Variants in ASXL1 observed in about 807,000 individuals in gnomAD.
ASXL1 encodes the protein ASXL transcriptional regulator 1, also known as polycomb group protein ASXL1.
ASXL1 carries 65 observed loss-of-function variants against 89.1 expected under a neutral mutation model. The observed-to-expected ratio is 0.73, with a 90% CI of 0.60 to 0.90. ASXL1 has a LOEUF of 0.90. ASXL1 is among the 40% of genes least tolerant of loss of function. The pLI is 0.00. For synonymous variants in ASXL1, 739 were observed against 746.9 expected, an observed-to-expected ratio of 0.99 and a Z score of 0.17; for missense variants, 1,786 against 1,942.9, an observed-to-expected ratio of 0.92 and a Z score of 1.52.
intron 4 of ASXL1, among the ~76,000 whole-genome samples, chr20:32,386,213 A>G (rs943385687): frequency 2.0e-5 from 3 of 152,214 alleles, no homozygotes; most frequent in Non-Finnish European, 4.4e-5. Flanking sequence ...GAATAAAGGC[A>G]GTGGAAAAAC....
Position 32,429,490 on chromosome 20 carries a change from C to T in ASXL1, c.565+59C>T, listed in dbSNP as rs1569317980. 6.5e-7 allele frequency: 1 copy of T among 1,536,558 alleles called. No homozygotes were observed. The highest frequency in any genetic ancestry group is 1.4e-5 in the African/African-American group (1 of 73,246). ...CTCAGGTCCTGGGGACCTGGCCTCC[C>T]TCTGTCAGCAGTTTCTGACCTAATA... On this transcript the variant is annotated intron_variant, in intron 7 of 12. Coordinates refer to ENST00000375687, the MANE Select transcript of ASXL1 (RefSeq NM_015338.6). The surrounding 1 kb of genome is among the most constrained non-coding windows in gnomAD (Gnocchi z 4.9).
At chr20:32,420,809 G>T (rs1041876023) in intron 4 of ASXL1, among the ~76,000 whole-genome samples, 1 of 152,002 alleles carries the variant, frequency 6.6e-6, no homozygotes, top group Non-Finnish European at 1.5e-5. Flanking sequence ...AAAAAAAAAT[G>T]GGTGAAAGAC....
At chr20:32,407,368 A>G (rs1030524738) in intron 4 of ASXL1, among the ~76,000 whole-genome samples, 2 of 152,118 alleles carry the variant, frequency 1.3e-5, no homozygotes, top group Admixed American at 1.3e-4. Flanking sequence ...GAATTGAAAT[A>G]TATGTATACA....
chr20:32,413,704 G>T (rs1313947944), intron 4 of ASXL1, among the ~76,000 whole-genome samples: 1 of 152,194 alleles, frequency 6.6e-6, no homozygotes, highest in Non-Finnish European at 1.5e-5. Context: ...ACTGGGGCCT[G>T]TTGGCTACTC....
At chr20:32,419,176 G>A (rs532828838) in intron 4 of ASXL1, among the ~76,000 whole-genome samples, 1 of 151,692 alleles carries the variant, frequency 6.6e-6, no homozygotes, top group Non-Finnish European at 1.5e-5. Context: ...CAAGAACATG[G>A]TATAGCTCTC....
chr20:32,435,676 C>G lies in ASXL1; in HGVS notation c.2964C>G (p.Asp988Glu), dbSNP rs749938743. 7 of 1,614,178 alleles carry G rather than the reference C, an allele frequency of 4.3e-6. No individual in the cohort carries two copies. The South Asian group carries it at 6.6e-5, about 15-fold the overall frequency. ...TTGAAAAGCTGAAAATCAACGGAGA[C>G]TCTGAAGCACTGAGTCCTCACGGTG... is the stretch of plus-strand genomic sequence containing the variant. ...VDIEKLKING[D>E]SEALSPHGES... Residue 988 changes from aspartate to glutamate, a missense_variant, in exon 13 of 13, where the codon GAC (aspartate) becomes GAG (glutamate). Asp to Glu is a conservative substitution (Grantham distance 45). Transcript: ENST00000375687.
intron 11 of ASXL1, 108 bp downstream of exon 11, chr20:32,433,093 A>G: frequency 6.4e-7 from 1 of 1,554,924 alleles, no homozygotes; most frequent in Non-Finnish European, 8.7e-7. Flanking sequence ...TGGAGATTGC[A>G]GTGACACTTG....
chr20:32,378,158 T>TTGGGTGTGTGTGTGTG, intron 4 of ASXL1, among the ~76,000 whole-genome samples: 1 of 130,226 alleles, frequency 7.7e-6, no homozygotes, highest in African/African-American at 3.1e-5. Context: ...GCTGAGTAAT[T>TTGGGTGTGTGTGTGTG]TGTGTGTGTG....
intron 4 of ASXL1, among the ~76,000 whole-genome samples, chr20:32,410,766 C>T (rs147384519): frequency 1.2e-3 from 185 of 152,138 alleles, no homozygotes; most frequent in Non-Finnish European, 2.3e-3. Flanking sequence ...CAGTAGCTCA[C>T]ACCTGTAATC....
chr20:32,423,284 C>T (rs1458686345), intron 4 of ASXL1, among the ~76,000 whole-genome samples: 1 of 151,874 alleles, frequency 6.6e-6, no homozygotes, highest in East Asian at 1.9e-4. Flanking sequence ...GGCTGAAGTG[C>T]AATGGCATGA....
At chr20:32,378,610 G>A (rs907079542) in intron 4 of ASXL1, among the ~76,000 whole-genome samples, 1 of 152,012 alleles carries the variant, frequency 6.6e-6, no homozygotes, top group African/African-American at 2.4e-5. Context: ...ATTATTGCCC[G>A]GTTAGAGGTA....
intron 8 of ASXL1, chr20:32,430,852 T>G (rs2011492623): frequency 2.7e-6 from 1 of 369,828 alleles, no homozygotes; most frequent in South Asian, 3.2e-5. Context: ...AGCATCTCAG[T>G]TGGCTTTGAA....
At position 32,438,713 on chromosome 20, in the gene ASXL1, C is replaced by CA. The variant is rs2012063217; in HGVS notation, c.*1376dup. ...CTGGGCAGCCCCCAGGAAGGCCTTCCAGATCTGGCTCCAGGGTCACCACCT... is the reference window on the plus strand; with the variant it reads ...CTGGGCAGCCCCCAGGAAGGCCTTCCAAGATCTGGCTCCAGGGTCACCACCT... On this transcript the variant is annotated 3_prime_UTR_variant, in exon 13 of 13. Transcript: ENST00000375687. 4.3e-6 allele frequency: 1 copy of CA among 233,590 alleles called. No homozygotes were observed. The highest frequency in any genetic ancestry group is 2.2e-5 in the African/African-American group (1 of 45,354). The allele number at this position is 233,590 out of a possible 1,614,324, so 14.5% of individuals were successfully genotyped here.
At chr20:32,402,263 G>T (rs1475163020) in intron 4 of ASXL1, among the ~76,000 whole-genome samples, 2 of 151,984 alleles carry the variant, frequency 1.3e-5, no homozygotes, top group Admixed American at 6.6e-5. Context: ...GTCTTGCTTT[G>T]TGGTTGGTCT....
intron 4 of ASXL1, among the ~76,000 whole-genome samples, chr20:32,419,640 TTTG>T (rs1425434307): frequency 6.6e-6 from 1 of 151,986 alleles, no homozygotes; most frequent in African/African-American, 2.4e-5. Context: ...AAATTATATT[TTTG>T]TTTTCTTTTT....
chr20:32,374,612 G>A (rs2048348304), intron 4 of ASXL1, among the ~76,000 whole-genome samples: 1 of 151,876 alleles, frequency 6.6e-6, no homozygotes, highest in Admixed American at 6.6e-5. Flanking sequence ...CTTTTTGAAG[G>A]CTGTTTTAAG....
chr20:32,408,646 G>A (rs922108169), intron 4 of ASXL1, among the ~76,000 whole-genome samples: 14 of 152,006 alleles, frequency 9.2e-5, no homozygotes, highest in African/African-American at 2.7e-4. Flanking sequence ...TAAAACTTCC[G>A]GGCTCAAGCC....
rs751085375 is a variant in ASXL1 at position 32,369,030 on chromosome 20, C to T, written c.159C>T (p.Leu53=). The T allele has an allele frequency of 2.7e-5, 44 of 1,613,576 alleles. No individual in the cohort carries two copies. Among genetic ancestry groups the T allele is most frequent in the South Asian group, 1.2e-4 (11 of 91,078 alleles). ...GGTTTTACAGTGGGACTTCCCCTCT[C>T]GCATGCCTCAATGCTATGCTACATT... ...LKEMRSGTSP[L]ACLNAMLHSN... Residue 53 remains leucine (L), a synonymous_variant, in exon 4 of 13, where the codon CTC becomes CTT. Coordinates refer to ENST00000375687, the MANE Select transcript of ASXL1 (RefSeq NM_015338.6).
chr20:32,418,809 CTTTTTTTTTTTTTTTTTTTTTTTTTTTTT>C (rs71338437), intron 4 of ASXL1, among the ~76,000 whole-genome samples: 1 of 55,698 alleles, frequency 1.8e-5, no homozygotes. Context: ...GAATTGACAT[CTTTTTTTTTTTTTTTTTTTTTTTTTTTTT>C]TTTTTTTTTT....
Sources: gnomAD v4.1 joint callset for allele counts (sites outside exome capture counted in the v4.1 genomes callset) on GRCh38, gnomAD v4.1.1 for gene constraint, Gnocchi (gnomAD v3.1) non-coding constraint, MANE v1.5 for transcripts, NCBI Gene and HGNC (gene_info 2026-07-23, HGNC 2026-07-21) for gene names.